Variants in PEAK1 observed in about 807,000 individuals in gnomAD.
PEAK1 encodes inactive tyrosine-protein kinase PEAK1.
In PEAK1, 54 loss-of-function variants were observed where a neutral mutation model predicts 124.7. The observed-to-expected ratio is 0.43, with a 90% CI of 0.35 to 0.54. PEAK1 has a LOEUF of 0.54. PEAK1 is among the 20% of genes least tolerant of loss of function. The probability of loss-of-function intolerance (pLI) is 0.01; values close to 1 mark genes in which losing one functional copy is unlikely to be tolerated. For missense variants in PEAK1, 2,046 were observed against 2,134.5 expected, an observed-to-expected ratio of 0.96 and a Z score of 0.82; for synonymous variants, 719 against 760.0, an observed-to-expected ratio of 0.95 and a Z score of 0.89.
chr15:77,417,704 G>A (rs924291085), intron 1 of PEAK1: 156 of 985,296 alleles, frequency 1.6e-4, no homozygotes, highest in East Asian at 2.3e-4. Flanking sequence ...CCCAGCACCC[G>A]TTCCACTTAA....
intron 6 of PEAK1, among the ~76,000 whole-genome samples, chr15:77,250,855 G>A (rs191784185): frequency 4.6e-5 from 7 of 152,268 alleles, no homozygotes; most frequent in South Asian, 4.1e-4. Flanking sequence ...AGGCCACCGT[G>A]CCCCATCCAA....
At chr15:77,348,948 T>A in intron 2 of PEAK1, 1 of 949,326 alleles carries the variant, frequency 1.1e-6, no homozygotes, top group Non-Finnish European at 1.3e-6. Context: ...GGACTATGTC[T>A]CTTAAAATAG....
At chr15:77,266,366 C>T (rs1036771539) in intron 5 of PEAK1, among the ~76,000 whole-genome samples, 1 of 152,076 alleles carries the variant, frequency 6.6e-6, no homozygotes, top group Non-Finnish European at 1.5e-5. Context: ...AGGCCTAGTA[C>T]GAAGCTGAAA....
intron 2 of PEAK1, among the ~76,000 whole-genome samples, chr15:77,299,307 A>G (rs922815828): frequency 6.6e-6 from 1 of 152,250 alleles, no homozygotes; most frequent in Non-Finnish European, 1.5e-5. Flanking sequence ...TTAATTTTAA[A>G]AATAATTTCA....
rs1450959519 is a variant in PEAK1 at position 77,181,966 on chromosome 15, G to C, written c.-40C>G. 1 of 1,515,590 alleles carries C rather than the reference G, an allele frequency of 6.6e-7. No homozygotes were observed. The highest frequency in any genetic ancestry group is 2.2e-5 in the Admixed American group (1 of 44,608). The allele number at this position is 1,515,590 out of a possible 1,614,324, so 93.9% of individuals were successfully genotyped here. A position where few individuals can be genotyped will look rare whatever the true frequency, so the allele number is the denominator to read the frequency against. ...CTTCACAGACAATGCTTTTCTTTCA[G>C]TGCATGACAAAACTTTCATCTGTTA... On this transcript the variant is annotated 5_prime_UTR_variant, in exon 7 of 10. Coordinates refer to ENST00000682557, the MANE Select transcript of PEAK1 (RefSeq NM_001385026.1).
chr15:77,115,278 G>A lies in PEAK1; in HGVS notation c.4119C>T (p.His1373=). The A allele has an allele frequency of 6.2e-7, 1 of 1,614,126 alleles. No individual in the cohort carries two copies. The highest frequency in any genetic ancestry group is 1.3e-5 in the African/African-American group (1 of 75,038). The change falls in exon 10 of 10, where the codon CAC becomes CAT. Residue 1373 remains histidine, a synonymous_variant. Coordinates refer to ENST00000682557, the MANE Select transcript of PEAK1 (RefSeq NM_001385026.1). The stretch of plus-strand genomic sequence containing the variant: ...CCAGACTCTGCCGGACAGCCAAGCT[G>A]TGATAATACTGCTGAGATTCTTTAG... ...SKAKESQQYY[H]SLAVRQSLAV... is the part of the protein sequence containing the mutation.
At chr15:77,348,315 T>C (rs2066997765) in intron 2 of PEAK1, 1 of 871,986 alleles carries the variant, frequency 1.1e-6, no homozygotes, top group Non-Finnish European at 1.4e-6. Flanking sequence ...TCATGCCACC[T>C]ACTCTTACAA....
In PEAK1 at chr15:77,349,336, G is replaced by C. The variant is rs945416561; in HGVS notation, c.-603+15827C>G. ...TTACAGGCGTGAGCCACCGCGCCCG[G>C]CCTCAGTCAATAATTATTTTTTAAA... On this transcript the variant is annotated intron_variant, in intron 2 of 9. Transcript: ENST00000682557. The C allele has an allele frequency of 5.1e-6, 5 of 981,504 alleles. No homozygotes were observed. The African/African-American group carries it at 7.0e-5, about 14-fold the overall frequency. The allele number at this position is 981,504 out of a possible 1,614,324, so 60.8% of individuals were successfully genotyped here. A position where few individuals can be genotyped will look rare whatever the true frequency, so the allele number is the denominator to read the frequency against.
chr15:77,115,054 T>A lies in PEAK1; in HGVS notation c.4343A>T (p.Gln1448Leu). 2.5e-6 allele frequency: 4 copies of A among 1,614,158 alleles called. No homozygotes were observed. Among genetic ancestry groups the A allele is most frequent in the Non-Finnish European group, 2.5e-6 (3 of 1,180,020 alleles). The change falls in exon 10 of 10, where the codon CAG becomes CTG. Residue 1448 changes from glutamine (Q) to leucine (L), a missense_variant. By Grantham distance (113) the Gln-to-Leu change is moderately radical. Transcript: ENST00000682557. ...CCTCTGCTTCTTGCTCATGACTCCC[T>A]GATTCTCTTTCTGGGATGATGCTGC... Reference protein sequence around the residue: ...SEAASSQKENQGVMSKKQRSH... With the variant: ...SEAASSQKENLGVMSKKQRSH...
downstream of PEAK1, chr15:77,103,455 A>G (rs1445036972): frequency 6.6e-6 from 1 of 152,178 alleles, no homozygotes; most frequent in Admixed American, 6.5e-5. Context: ...GTTAAGTAAG[A>G]AAAGCAATTT....
intron 2 of PEAK1, among the ~76,000 whole-genome samples, chr15:77,314,798 C>G (rs1265359454): frequency 6.6e-6 from 1 of 152,004 alleles, no homozygotes; most frequent in African/African-American, 2.4e-5. Context: ...TACAGAGTAA[C>G]GTATAAGCAT....
intron 1 of PEAK1, chr15:77,419,458 G>A: frequency 1.0e-6 from 1 of 985,358 alleles, no homozygotes; most frequent in African/African-American, 1.7e-5. Context: ...ACACGTTCGC[G>A]GGCTCCCCAG....
intron 6 of PEAK1, among the ~76,000 whole-genome samples, chr15:77,198,057 T>TA (rs2058192569): frequency 6.6e-6 from 1 of 152,108 alleles, no homozygotes; most frequent in East Asian, 1.9e-4. Flanking sequence ...TATCAAAACT[T>TA]AAATGAGAGA....
intron 1 of PEAK1, among the ~76,000 whole-genome samples, chr15:77,398,035 A>G (rs936256364): frequency 6.6e-6 from 1 of 152,230 alleles, no homozygotes; most frequent in South Asian, 2.1e-4. Context: ...ACTGCACTCC[A>G]GCCTGGGCAA....
intron 8 of PEAK1, among the ~76,000 whole-genome samples, chr15:77,143,703 C>T (rs1378413947): frequency 6.6e-6 from 1 of 152,104 alleles, no homozygotes; most frequent in Non-Finnish European, 1.5e-5. Context: ...GGGAATATTT[C>T]TTACTCCACT....
intron 8 of PEAK1, among the ~76,000 whole-genome samples, chr15:77,143,695 G>T (rs1174059887): frequency 6.6e-6 from 1 of 152,034 alleles, no homozygotes; most frequent in Non-Finnish European, 1.5e-5. Context: ...TGCTTCTAGG[G>T]AATATTTCTT....
At position 77,403,236 on chromosome 15, in the gene PEAK1, T is replaced by C. The variant is rs531260548; in HGVS notation, c.-666+16770A>G. 79 of 985,426 alleles carry C rather than the reference T, an allele frequency of 8.0e-5. No individual in the cohort carries two copies. In the African/African-American group the frequency reaches 1.3e-3, roughly 16 times the overall value. The allele number at this position is 985,426 out of a possible 1,614,324, so 61.0% of individuals were successfully genotyped here. A position where few individuals can be genotyped will look rare whatever the true frequency, so the allele number is the denominator to read the frequency against. On this transcript the variant is annotated intron_variant, in intron 1 of 9. Transcript: ENST00000682557. ...TGCTGATTGGGTATGGTGAAAGCAG[T>C]CAAGTCTATCTCCCAATACCAACAA...
At chr15:77,408,276 A>C (rs900762846) in intron 1 of PEAK1, among the ~76,000 whole-genome samples, 5 of 151,854 alleles carry the variant, frequency 3.3e-5, no homozygotes, top group Non-Finnish European at 7.4e-5. Context: ...TTCTAAGTGA[A>C]GTAACTCAGG....
At chr15:77,150,883 G>A (rs527961414) in intron 8 of PEAK1, among the ~76,000 whole-genome samples, 2 of 152,236 alleles carry the variant, frequency 1.3e-5, no homozygotes, top group South Asian at 2.1e-4. Context: ...TGGTGTATAT[G>A]TGCCACATTT....
Sources: allele counts gnomAD v4.1 joint callset (sites outside exome capture counted in the v4.1 genomes callset), GRCh38; gene constraint gnomAD v4.1.1; transcripts MANE v1.5; gene names NCBI Gene and HGNC (gene_info 2026-07-23, HGNC 2026-07-21).